MAFK: variants seen among roughly 807,000 people sequenced by gnomAD.
The protein encoded by MAFK is MAF bZIP transcription factor K.
MAFK carries 1 observed loss-of-function variant against 9.2 expected under a neutral mutation model. That is an observed-to-expected ratio of 0.11 (90% confidence interval 0.04 to 0.52). The LOEUF is 0.52. MAFK is among the 20% of genes least tolerant of loss of function. The pLI, the probability that MAFK is intolerant of heterozygous loss-of-function variation, is 0.94. For synonymous variants in MAFK, 110 were observed against 107.4 expected (o/e 1.02, Z -0.15); for missense variants, 207 against 236.0 (o/e 0.88, Z 0.81).
chr7:1,535,165 G>A (rs927900360), intron 1 of MAFK, among the ~76,000 whole-genome samples: 7 of 146,254 alleles, frequency 4.8e-5, no homozygotes, highest in Non-Finnish European at 8.9e-5. Context: ...CGAGCATTCG[G>A]CCTCCGGAGG....
chr7:1,542,674 T>G lies in MAFK; in HGVS notation c.*2299T>G, dbSNP rs1784223630. 1 of 152,430 alleles carries G rather than the reference T, an allele frequency of 6.6e-6. No individual in the cohort carries two copies. The highest frequency in any genetic ancestry group is 1.5e-5 in the Non-Finnish European group (1 of 68,050). The allele number at this position is 152,430 out of a possible 1,614,324, so 9.4% of individuals were successfully genotyped here. ...CATTGTCATGATTTAATATATGGAT[T>G]TTTTTATTTAAGAAAAAGACGAGGG... On this transcript the variant is annotated 3_prime_UTR_variant, in exon 3 of 3. Transcript: ENST00000343242.
rs1397476870 is a variant in MAFK at position 1,532,411 on chromosome 7, C to T, written c.-45+1513C>T. Among the ~76,000 whole-genome samples the T allele has an allele frequency of 1.3e-5, 2 of 152,200 alleles. No individual in the cohort carries two copies. Among genetic ancestry groups the T allele is most frequent in the East Asian group, 1.9e-4 (1 of 5,204 alleles). ...ACCCAGTAGGAATGTCTGAGTTTGA[C>T]CTTGGGAGAGGGAGTCTGCTTTTAA... On this transcript the variant is annotated intron_variant, in intron 1 of 2. Coordinates refer to ENST00000343242, the MANE Select transcript of MAFK (RefSeq NM_002360.4). The surrounding 1 kb of genome is among the most constrained non-coding windows in gnomAD (Gnocchi z 4.5).
chr7:1,534,491 G>C lies in MAFK; in HGVS notation c.-45+3593G>C, dbSNP rs1783979889. The stretch of plus-strand genomic sequence containing the variant: ...GGAGTCACTGGTCGGGGGGCGGGAG[G>C]GCGCTTGCTGCTGTGCTGCTGGGTT... On this transcript the variant is annotated intron_variant, in intron 1 of 2. Transcript: ENST00000343242. This position sits in a 1 kb window ranked among gnomAD's most constrained non-coding sequence, Gnocchi z 4.3. 2.3e-6 allele frequency: 1 copy of C among 441,532 alleles called. No homozygotes were observed. 27.4% of individuals were successfully genotyped at this position (441,532 alleles called of 1,614,324 possible).
Position 1,534,757 on chromosome 7 carries a change from A to G in MAFK, c.-45+3859A>G. On this transcript the variant is annotated intron_variant, in intron 1 of 2. Coordinates refer to ENST00000343242, the MANE Select transcript of MAFK (RefSeq NM_002360.4). This position sits in a 1 kb window ranked among gnomAD's most constrained non-coding sequence, Gnocchi z 4.3. ...CAGAGCCCCCATGCTGGCCTCGTAG[A>G]GCGAGCGGCAGCCCCGATGCGTCCT... 1 of 408,184 alleles carries G rather than the reference A, an allele frequency of 2.4e-6. No homozygotes were observed. The highest frequency in any genetic ancestry group is 2.7e-5 in the Admixed American group (1 of 37,650). The allele number at this position is 408,184 out of a possible 1,614,324, so 25.3% of individuals were successfully genotyped here.
intron 1 of MAFK, among the ~76,000 whole-genome samples, chr7:1,531,786 C>T (rs1426579578): frequency 6.6e-6 from 1 of 152,182 alleles, no homozygotes; most frequent in Non-Finnish European, 1.5e-5. Flanking sequence ...TGGCCCTTGA[C>T]CTGGGTCCGC....
intron 2 of MAFK, among the ~76,000 whole-genome samples, chr7:1,539,535 T>G (rs1290104050): frequency 8.6e-5 from 1 of 11,684 alleles, no homozygotes; most frequent in Non-Finnish European, 1.4e-4. Context: ...GTGGGCAGCG[T>G]GGCCAGCGTG....
chr7:1,541,777 C>A lies in MAFK; in HGVS notation c.*1402C>A, dbSNP rs1280871554. On this transcript the variant is annotated 3_prime_UTR_variant, in exon 3 of 3. Coordinates refer to ENST00000343242, the MANE Select transcript of MAFK (RefSeq NM_002360.4). ...GGGCTTGGCACTCCACCTTGGGCTT[C>A]CTTTTCCTGGAGAGCCGCCTTGAGG... 1 of 152,270 alleles carries A rather than the reference C, an allele frequency of 6.6e-6. No individual in the cohort carries two copies. The highest frequency in any genetic ancestry group is 1.5e-5 in the Non-Finnish European group (1 of 68,098). The allele number at this position is 152,270 out of a possible 1,614,324, so 9.4% of individuals were successfully genotyped here. A position where few individuals can be genotyped will look rare whatever the true frequency, so the allele number is the denominator to read the frequency against.
chr7:1,542,320 G>C lies in MAFK; in HGVS notation c.*1945G>C, dbSNP rs1784211965. 6.6e-6 allele frequency: 1 copy of C among 152,660 alleles called. No individual in the cohort carries two copies. Among genetic ancestry groups the C allele is most frequent in the Admixed American group, 6.5e-5 (1 of 15,288 alleles). 9.5% of individuals were successfully genotyped at this position (152,660 alleles called of 1,614,324 possible). A position where few individuals can be genotyped will look rare whatever the true frequency, so the allele number is the denominator to read the frequency against. On this transcript the variant is annotated 3_prime_UTR_variant, in exon 3 of 3. Coordinates refer to ENST00000343242, the MANE Select transcript of MAFK (RefSeq NM_002360.4). ...CCAGTTTGATACTGTAAATCTATCA[G>C]AGCAGAGCCGGGGGCACGGGCACAG... is the stretch of plus-strand genomic sequence containing the variant.
chr7:1,540,365 C>T lies in MAFK; in HGVS notation c.461C>T (p.Ala154Val). The change falls in exon 3 of 3, where the codon GCT becomes GTT. Residue 154 changes from alanine to valine, a missense_variant. Transcript: ENST00000343242. ...TCCTCCACCTCCGTGCCCTTCTCGG[C>T]TGCATCCTAGTGCCGGCCGGGGGCG... Reference protein sequence around the residue: ...ELSSTSVPFSAAS With the variant: ...ELSSTSVPFSVAS 7.3e-7 allele frequency: 1 copy of T among 1,377,742 alleles called. No individual in the cohort carries two copies. The highest frequency in any genetic ancestry group is 1.2e-5 in the South Asian group (1 of 86,300). 85.3% of individuals were successfully genotyped at this position (1,377,742 alleles called of 1,614,324 possible).
In MAFK at chr7:1,534,484, G is replaced by A. The variant is rs763831551; in HGVS notation, c.-45+3586G>A. ...TGCCGTGGGAGTCACTGGTCGGGGG[G>A]CGGGAGGGCGCTTGCTGCTGTGCTG... On this transcript the variant is annotated intron_variant, in intron 1 of 2. Coordinates refer to ENST00000343242, the MANE Select transcript of MAFK (RefSeq NM_002360.4). The surrounding 1 kb of genome is among the most constrained non-coding windows in gnomAD (Gnocchi z 4.3). The A allele has an allele frequency of 2.3e-5, 10 of 439,930 alleles. No homozygotes were observed. The highest frequency in any genetic ancestry group is 2.1e-4 in the Admixed American group (9 of 42,112). The allele number at this position is 439,930 out of a possible 1,614,324, so 27.3% of individuals were successfully genotyped here.
chr7:1,531,077 C>G lies in MAFK; in HGVS notation c.-45+179C>G, dbSNP rs1238597414. Among the ~76,000 whole-genome samples, 6 of 147,960 alleles carry G rather than the reference C, an allele frequency of 4.1e-5. No individual in the cohort carries two copies. In the East Asian group the frequency reaches 1.2e-3, roughly 29 times the overall value. ...CCCGCGGCGCGGCCCGGGCACCTGC[C>G]CAGGTGGGCCCCGCCCCGCAGGCCC... On this transcript the variant is annotated intron_variant, in intron 1 of 2. Transcript: ENST00000343242.
intron 1 of MAFK, chr7:1,538,334 C>T: frequency 1.0e-6 from 1 of 985,422 alleles, no homozygotes; most frequent in East Asian, 1.1e-4. Context: ...TCCCTGGTCT[C>T]TGGCTGCGGC....
chr7:1,538,344 C>T (rs1784088399), intron 1 of MAFK: 4 of 983,598 alleles, frequency 4.1e-6, no homozygotes, highest in African/African-American at 1.7e-5. Flanking sequence ...CTGGCTGCGG[C>T]CCCCGGACCT....
At position 1,531,132 on chromosome 7, in the gene MAFK, C is replaced by A. The variant is rs1324602994; in HGVS notation, c.-45+234C>A. 3.4e-5 allele frequency among the ~76,000 whole-genome samples: 5 copies of A among 149,156 alleles called. 1 individual carries two copies. The East Asian group carries it at 7.8e-4, about 23-fold the overall frequency. ...GCTTCCCCGGGACGCGAGGCTCTCTCCCCTGCACGTGCCGCCCGGGCCATG... is the reference window on the plus strand; with the variant it reads ...GCTTCCCCGGGACGCGAGGCTCTCTACCCTGCACGTGCCGCCCGGGCCATG... On this transcript the variant is annotated intron_variant, in intron 1 of 2. Coordinates refer to ENST00000343242, the MANE Select transcript of MAFK (RefSeq NM_002360.4).
intron 1 of MAFK, among the ~76,000 whole-genome samples, chr7:1,533,506 G>A (rs979303307): frequency 1.3e-5 from 2 of 152,192 alleles, no homozygotes; most frequent in African/African-American, 4.8e-5. Flanking sequence ...TCTGCAGATG[G>A]TGATCAGAAA....
chr7:1,536,867 G>A (rs1254087279), intron 1 of MAFK, among the ~76,000 whole-genome samples: 2 of 152,192 alleles, frequency 1.3e-5, no homozygotes, highest in Non-Finnish European at 1.5e-5. Context: ...AGGCTTCCTC[G>A]GCAGAGCAGA....
rs945671929 is a variant in MAFK at position 1,541,614 on chromosome 7, G to C, written c.*1239G>C. 1 of 152,476 alleles carries C rather than the reference G, an allele frequency of 6.6e-6. No homozygotes were observed. Among genetic ancestry groups the C allele is most frequent in the Non-Finnish European group, 1.5e-5 (1 of 68,150 alleles). The allele number at this position is 152,476 out of a possible 1,614,324, so 9.4% of individuals were successfully genotyped here. A position where few individuals can be genotyped will look rare whatever the true frequency, so the allele number is the denominator to read the frequency against. ...GGGGAGGCAGCAGGCACCAGTCCAG[G>C]AGAGCTTCGTGGACGTGGCTCCTGC... On this transcript the variant is annotated 3_prime_UTR_variant, in exon 3 of 3. Transcript: ENST00000343242.
chr7:1,542,243 T>G lies in MAFK; in HGVS notation c.*1868T>G, dbSNP rs1190933723. 6.6e-6 allele frequency: 1 copy of G among 152,602 alleles called. No homozygotes were observed. Among genetic ancestry groups the G allele is most frequent in the South Asian group, 2.1e-4 (1 of 4,836 alleles). The allele number at this position is 152,602 out of a possible 1,614,324, so 9.5% of individuals were successfully genotyped here. A position where few individuals can be genotyped will look rare whatever the true frequency, so the allele number is the denominator to read the frequency against. Reference sequence around the variant, plus strand: ...GAGAAACAGAAAATATATAGAGATATAAAATTATATTCACAGTTTATCTAC... The same window carrying G: ...GAGAAACAGAAAATATATAGAGATAGAAAATTATATTCACAGTTTATCTAC... On this transcript the variant is annotated 3_prime_UTR_variant, in exon 3 of 3. Transcript: ENST00000343242.
chr7:1,537,097 A>G (rs920305200), intron 1 of MAFK, among the ~76,000 whole-genome samples: 14 of 152,186 alleles, frequency 9.2e-5, no homozygotes, highest in African/African-American at 2.4e-4. Context: ...GCCCCCGGCT[A>G]CCGTGTGCCT....
Sources: gnomAD v4.1 joint callset for allele counts (sites outside exome capture counted in the v4.1 genomes callset) on GRCh38, gnomAD v4.1.1 for gene constraint, Gnocchi (gnomAD v3.1) non-coding constraint, MANE v1.5 for transcripts, NCBI Gene and HGNC (gene_info 2026-07-23, HGNC 2026-07-21) for gene names.